The following STOX1 variants were observed in gnomAD, a reference collection of about 807,000 sequenced individuals.
The protein encoded by STOX1 is storkhead-box protein 1.
STOX1 carries 57 observed loss-of-function variants against 74.8 expected under a neutral mutation model. The observed-to-expected ratio is 0.76, with a 90% CI of 0.62 to 0.95. The LOEUF (loss-of-function observed/expected upper bound fraction) is 0.95. Ranked by LOEUF, STOX1 falls within the 40% of genes least tolerant of loss-of-function variation. STOX1 has a pLI of 0.00. For missense variants in STOX1, 1,010 were observed against 1,117.0 expected, an observed-to-expected ratio of 0.90 and a Z score of 1.37; for synonymous variants, 375 against 401.3, an observed-to-expected ratio of 0.93 and a Z score of 0.78.
chr10:68,851,979 CA>C (rs1448863789), intron 1 of STOX1, among the ~76,000 whole-genome samples: 1 of 152,036 alleles, frequency 6.6e-6, no homozygotes. Flanking sequence ...ACTAAAAATA[CA>C]AAAATTAGCC....
At chr10:68,884,161 G>T (rs866452557) in intron 2 of STOX1, 99 bp from the exon 3 acceptor site, 13 of 1,101,890 alleles carry the variant, frequency 1.2e-5, no homozygotes, top group Non-Finnish European at 1.8e-5. Context: ...TCAGCTCTGG[G>T]TTTATCAAGC....
intron 1 of STOX1, among the ~76,000 whole-genome samples, chr10:68,859,541 T>TA (rs1840209400): frequency 6.6e-6 from 1 of 152,076 alleles, no homozygotes; most frequent in Non-Finnish European, 1.5e-5. Context: ...TCATGGGAGT[T>TA]AATGTGTTGA....
At chr10:68,850,775 C>T (rs1418303577) in intron 1 of STOX1, among the ~76,000 whole-genome samples, 3 of 152,132 alleles carry the variant, frequency 2.0e-5, no homozygotes, top group Non-Finnish European at 4.4e-5. Flanking sequence ...AGTTCAAGAC[C>T]AGCCTGGGCA....
intron 1 of STOX1, among the ~76,000 whole-genome samples, chr10:68,860,673 T>C (rs10998464): frequency 0.26 from 38,689 of 150,418 alleles, 5,254 homozygotes; most frequent in Admixed American, 0.31. Context: ...CCTGCCTCCA[T>C]ACTAGAGGAA....
chr10:68,883,758 C>CTTTTTT (rs71028801), intron 2 of STOX1, among the ~76,000 whole-genome samples: 29 of 85,504 alleles, frequency 3.4e-4, no homozygotes, highest in Non-Finnish European at 4.7e-4. Context: ...GCTTCTTTGG[C>CTTTTTT]TTTTTTTTTT....
At position 68,886,618 on chromosome 10, in the gene STOX1, G is replaced by A. The variant is rs377653796; in HGVS notation, c.2822G>A (p.Arg941Gln). The change falls in exon 3 of 4, where the codon CGG becomes CAG. Residue 941 changes from arginine to glutamine, a missense_variant and splice_region_variant. Physicochemically the swap from Arg to Gln is conservative, Grantham distance 43 (BLOSUM62 1). Coordinates refer to ENST00000298596, the MANE Select transcript of STOX1 (RefSeq NM_152709.5). ...MAGDSGIDSP[R>Q]TQSLGSNNSV... ...GGAGATAGTGGAATAGATTCTCCAC[G>A]GTAGGTCCATACAAAAGTGTCTGAT... The A allele has an allele frequency of 1.5e-5, 24 of 1,613,512 alleles. No individual in the cohort carries two copies. The highest frequency in any genetic ancestry group is 5.0e-5 in the Admixed American group (3 of 59,978).
Position 68,876,305 on chromosome 10 carries a change from C to T in STOX1, c.311-5653C>T, listed in dbSNP as rs900395498. On this transcript the variant is annotated intron_variant, in intron 1 of 3. Transcript: ENST00000298596. ...CCTGAGTAGCTGGGATTCAGACATG[C>T]GCCACCACACCCAGCTAATTTTGTA... is the stretch of plus-strand genomic sequence containing the variant. Among the ~76,000 whole-genome samples, 12 of 151,884 alleles carry T rather than the reference C, an allele frequency of 7.9e-5. No individual in the cohort carries two copies. The East Asian group carries it at 1.9e-3, about 25-fold the overall frequency.
At position 68,842,542 on chromosome 10, in the gene STOX1, T is replaced by C. The variant is rs926201663; in HGVS notation, c.310+14609T>C. 3.6e-5 allele frequency among the ~76,000 whole-genome samples: 5 copies of C among 140,482 alleles called. No homozygotes were observed. In the South Asian group the frequency reaches 7.5e-4, roughly 21 times the overall value. The allele number at this position is 140,482 out of a possible 152,430, so 92.2% of individuals were successfully genotyped here. A position where few individuals can be genotyped will look rare whatever the true frequency, so the allele number is the denominator to read the frequency against. On this transcript the variant is annotated intron_variant, in intron 1 of 3. Transcript: ENST00000298596. Reference sequence around the variant, plus strand: ...CCATGGCTCTGTACCATTTCTTTTTTTTTTTTTTTTTTTTTTGAGATGGAG... The same window carrying C: ...CCATGGCTCTGTACCATTTCTTTTTCTTTTTTTTTTTTTTTTGAGATGGAG...
At chr10:68,844,827 A>G (rs1839795050) in intron 1 of STOX1, among the ~76,000 whole-genome samples, 1 of 151,420 alleles carries the variant, frequency 6.6e-6, no homozygotes, top group East Asian at 1.9e-4. Flanking sequence ...CAGTGGTGCG[A>G]TCTCACCTCA....
Position 68,873,881 on chromosome 10 carries a change from C to T in STOX1, c.311-8077C>T, listed in dbSNP as rs574827786. On this transcript the variant is annotated intron_variant, in intron 1 of 3. Coordinates refer to ENST00000298596, the MANE Select transcript of STOX1 (RefSeq NM_152709.5). ...GGTCAGGCTGGTCTCGAACCCCTGA[C>T]CTCGTGATCCACCCGCCTCGGCCTC... 9.7e-4 allele frequency among the ~76,000 whole-genome samples: 147 copies of T among 150,960 alleles called. 6 individuals carry two copies. In the South Asian group the frequency reaches 0.029, roughly 30 times the overall value.
intron 1 of STOX1, among the ~76,000 whole-genome samples, chr10:68,877,078 C>T (rs900956341): frequency 3.3e-5 from 5 of 152,114 alleles, no homozygotes; most frequent in Admixed American, 1.3e-4. Context: ...ATCTTAGCAA[C>T]GACTGTGAAG....
chr10:68,852,306 T>C (rs1239885881), intron 1 of STOX1, among the ~76,000 whole-genome samples: 1 of 140,374 alleles, frequency 7.1e-6, no homozygotes, highest in Non-Finnish European at 1.5e-5. Flanking sequence ...GGCCGGACTG[T>C]GGACTGCAGT....
intron 1 of STOX1, among the ~76,000 whole-genome samples, chr10:68,844,725 A>G (rs966517099): frequency 5.3e-5 from 8 of 152,026 alleles, no homozygotes; most frequent in Admixed American, 4.6e-4. Context: ...TGTTTTGCAA[A>G]TGTTTTTTCC....
intron 1 of STOX1, among the ~76,000 whole-genome samples, chr10:68,836,031 C>T (rs1839542142): frequency 2.0e-5 from 3 of 152,234 alleles, no homozygotes; most frequent in South Asian, 4.2e-4. Context: ...GCCACCACGC[C>T]AGGCTAATTT....
At chr10:68,844,095 G>T (rs913725802) in intron 1 of STOX1, among the ~76,000 whole-genome samples, 1 of 151,754 alleles carries the variant, frequency 6.6e-6, no homozygotes, top group Non-Finnish European at 1.5e-5. Flanking sequence ...CTGGAGAATG[G>T]CATGAGCCCG....
intron 1 of STOX1, among the ~76,000 whole-genome samples, chr10:68,862,807 G>A (rs922105535): frequency 1.6e-4 from 24 of 152,054 alleles, no homozygotes; most frequent in African/African-American, 4.8e-5. Context: ...CATAGGAATC[G>A]TTGTGCAGCA....
At chr10:68,857,333 C>G (rs958350505) in intron 1 of STOX1, among the ~76,000 whole-genome samples, 1 of 151,986 alleles carries the variant, frequency 6.6e-6, no homozygotes, top group Non-Finnish European at 1.5e-5. Context: ...GCTTCCCTCC[C>G]CTCCTGAAAG....
rs1840938531 is a variant in STOX1, at chr10:68,885,883, G to A, written c.2087G>A (p.Arg696Lys). 1 of 1,614,152 alleles carries A rather than the reference G, an allele frequency of 6.2e-7. No homozygotes were observed. The highest frequency in any genetic ancestry group is 8.5e-7 in the Non-Finnish European group (1 of 1,180,024). ...GACAAAGACTCAGAAGAATTATTGA[G>A]AAAAGGATTTGTCCAGGATGCAGAG... ...RQDKDSEELL[R>K]KGFVQDAETT... Residue 696 changes from arginine to lysine, a missense_variant, in exon 3 of 4, where the codon AGA becomes AAA. By Grantham distance (26) the Arg-to-Lys change is conservative (BLOSUM62 2). Transcript: ENST00000298596.
rs756922826 is a variant in STOX1, at chr10:68,885,186, A to C, written c.1390A>C (p.Ile464Leu). Residue 464 changes from isoleucine (I) to leucine (L), a missense_variant, in exon 3 of 4, where the codon ATT (isoleucine) becomes CTT (leucine). Physicochemically the swap from Ile to Leu is conservative, Grantham distance 5 (BLOSUM62 2). Transcript: ENST00000298596. ...KLPATQPIPR[I>L]KSPNEMVGQK... ...CCCTGCTACACAGCCCATCCCCAGA[A>C]TTAAAAGCCCAAATGAAATGGTAGG... 1.9e-6 allele frequency: 3 copies of C among 1,614,192 alleles called. No homozygotes were observed. In the South Asian group the frequency reaches 3.3e-5, roughly 18 times the overall value.
Sources: allele counts gnomAD v4.1 joint callset (sites outside exome capture counted in the v4.1 genomes callset), GRCh38; gene constraint gnomAD v4.1.1; transcripts MANE v1.5; gene names NCBI Gene and HGNC (gene_info 2026-07-23, HGNC 2026-07-21).